Variants in CDH13 observed in about 807,000 individuals in gnomAD.
CDH13 encodes the protein cadherin 13, also known as cadherin-13.
In CDH13, 24 loss-of-function variants were observed where a neutral mutation model predicts 63.8. The ratio of observed to expected loss-of-function variants is 0.38; its 90% CI spans 0.27 to 0.53. The LOEUF (loss-of-function observed/expected upper bound fraction) is 0.53, where lower values mean the gene tolerates loss of function less well. CDH13 is among the 20% of genes least tolerant of loss of function. The pLI is 0.85. For synonymous variants in CDH13, 503 were observed against 355.3 expected, an observed-to-expected ratio of 1.42 and a Z score of -4.67; for missense variants, 1,049 against 903.1, an observed-to-expected ratio of 1.16 and a Z score of -2.07.
intron 3 of CDH13, among the ~76,000 whole-genome samples, chr16:83,061,027 T>C (rs778983501): frequency 2.0e-4 from 31 of 152,172 alleles, no homozygotes; most frequent in Middle Eastern, 3.2e-3. Context: ...TTAATACAAG[T>C]TCCTTGGCAC....
At chr16:83,323,615 C>A (rs1208097782) in intron 5 of CDH13, among the ~76,000 whole-genome samples, 3 of 151,992 alleles carry the variant, frequency 2.0e-5, no homozygotes, top group Non-Finnish European at 4.4e-5. Context: ...TGGAAAAAAA[C>A]AAAAACAAAA....
intron 6 of CDH13, among the ~76,000 whole-genome samples, chr16:83,412,933 G>A (rs934505784): frequency 7.9e-5 from 12 of 152,282 alleles, no homozygotes; most frequent in African/African-American, 2.2e-4. Flanking sequence ...TAACTGTGTT[G>A]TATTACCATT....
intron 3 of CDH13, among the ~76,000 whole-genome samples, chr16:83,123,552 T>C (rs563249668): frequency 1.3e-5 from 2 of 152,336 alleles, no homozygotes; most frequent in East Asian, 3.9e-4. Context: ...GGGCTGGGAT[T>C]ACAGGCGTGA....
intron 5 of CDH13, among the ~76,000 whole-genome samples, chr16:83,305,978 C>G (rs2089866393): frequency 6.6e-6 from 1 of 152,182 alleles, no homozygotes; most frequent in Non-Finnish European, 1.5e-5. Flanking sequence ...TTCTCAATCT[C>G]ATTCTTGGCA....
chr16:83,736,831 T>A (rs1011347368), intron 10 of CDH13, among the ~76,000 whole-genome samples: 1 of 152,170 alleles, frequency 6.6e-6, no homozygotes, highest in Non-Finnish European at 1.5e-5. Flanking sequence ...TAACAAAGAA[T>A]TAATGGCCTC....
At chr16:83,144,242 T>C (rs901475088) in intron 4 of CDH13, among the ~76,000 whole-genome samples, 2 of 152,290 alleles carry the variant, frequency 1.3e-5, no homozygotes, top group South Asian at 2.1e-4. Context: ...CTTGTACTTA[T>C]TTGGATAGTC....
chr16:83,367,772 C>T (rs2091284874), intron 6 of CDH13, among the ~76,000 whole-genome samples: 1 of 152,042 alleles, frequency 6.6e-6, no homozygotes, highest in Admixed American at 6.6e-5. Context: ...TTTGTATTTC[C>T]ATATAAATTT....
chr16:83,631,825 G>A (rs1440250416), intron 8 of CDH13, among the ~76,000 whole-genome samples: 1 of 152,160 alleles, frequency 6.6e-6, no homozygotes, highest in Non-Finnish European at 1.5e-5. Context: ...AGGTTGTTGT[G>A]GGATAAGGGG....
Position 82,702,807 on chromosome 16 carries a change from G to T in CDH13, c.45+75670G>T, listed in dbSNP as rs138944460. ...CTGCCTGGAACCCTGTGGCCCCCAGGGTTCAGCTCCCTGGTGCCTCATCAG... is the reference window on the plus strand; with the variant it reads ...CTGCCTGGAACCCTGTGGCCCCCAGTGTTCAGCTCCCTGGTGCCTCATCAG... On this transcript the variant is annotated intron_variant, in intron 1 of 13. Transcript: ENST00000567109. Among the ~76,000 whole-genome samples the T allele has an allele frequency of 7.9e-4, 120 of 152,162 alleles. 1 individual carries two copies. The highest frequency in any genetic ancestry group is 2.7e-3 in the African/African-American group (112 of 41,510).
At chr16:83,234,403 C>G (rs1350043220) in intron 5 of CDH13, among the ~76,000 whole-genome samples, 1 of 152,172 alleles carries the variant, frequency 6.6e-6, no homozygotes, top group Non-Finnish European at 1.5e-5. Context: ...CCACCTGCCC[C>G]AAGGCCCTTT....
At chr16:82,771,847 C>G (rs1308069406) in intron 1 of CDH13, among the ~76,000 whole-genome samples, 1 of 152,210 alleles carries the variant, frequency 6.6e-6, no homozygotes, top group African/African-American at 2.4e-5. Context: ...ATAACTTTGG[C>G]CTCATCTTCC....
Position 82,860,391 on chromosome 16 carries a change from G to GT in CDH13, c.157+1918_157+1919insT, listed in dbSNP as rs1480729083. Among the ~76,000 whole-genome samples the GT allele has an allele frequency of 5.8e-5, 5 of 85,896 alleles. No homozygotes were observed. The East Asian group carries it at 1.5e-3, about 26-fold the overall frequency. 56.4% of individuals were successfully genotyped at this position (85,896 alleles called of 152,430 possible). A position where few individuals can be genotyped will look rare whatever the true frequency, so the allele number is the denominator to read the frequency against. On this transcript the variant is annotated intron_variant, in intron 2 of 13. Transcript: ENST00000567109. ...ATCACAGTTGTGTGTGTGTGTGTGG[G>GT]GGGGGGGGCGGCGGTGTGCGTGTGT... is the stretch of plus-strand genomic sequence containing the variant.
intron 1 of CDH13, among the ~76,000 whole-genome samples, chr16:82,694,865 C>T (rs995483205): frequency 1.3e-5 from 2 of 152,012 alleles, no homozygotes; most frequent in Non-Finnish European, 2.9e-5. Context: ...AGGAGGAGTG[C>T]CTATAAAGGA....
intron 7 of CDH13, among the ~76,000 whole-genome samples, chr16:83,599,628 A>G (rs1907592238): frequency 6.6e-6 from 1 of 152,216 alleles, no homozygotes; most frequent in African/African-American, 2.4e-5. Context: ...AAAAGGCCTA[A>G]TAATAGAAGA....
intron 7 of CDH13, among the ~76,000 whole-genome samples, chr16:83,566,152 A>G (rs1253717431): frequency 6.6e-6 from 1 of 152,096 alleles, no homozygotes; most frequent in African/African-American, 2.4e-5. Context: ...ACAGTACCAC[A>G]GTCCTCTTCC....
At chr16:83,057,258 C>G (rs1213300876) in intron 3 of CDH13, among the ~76,000 whole-genome samples, 2 of 152,154 alleles carry the variant, frequency 1.3e-5, no homozygotes, top group Non-Finnish European at 2.9e-5. Context: ...AGCCACTGCA[C>G]CCCAGTCTCA....
intron 6 of CDH13, among the ~76,000 whole-genome samples, chr16:83,371,948 A>T (rs2091374925): frequency 6.6e-6 from 1 of 152,212 alleles, no homozygotes; most frequent in Non-Finnish European, 1.5e-5. Flanking sequence ...CATCCCCCGG[A>T]CCGTATATAC....
chr16:83,160,771 T>TG (rs1428384474), intron 4 of CDH13, among the ~76,000 whole-genome samples: 1 of 152,220 alleles, frequency 6.6e-6, no homozygotes, highest in Admixed American at 6.5e-5. Context: ...CTCGGAAACC[T>TG]CCTGCCTGCA....
intron 10 of CDH13, among the ~76,000 whole-genome samples, chr16:83,728,240 T>A (rs1910644595): frequency 6.6e-6 from 1 of 151,920 alleles, no homozygotes; most frequent in African/African-American, 2.4e-5. Context: ...GGAGAGAAGG[T>A]GCCTGTTCTC....
Sources: allele counts gnomAD v4.1 joint callset (sites outside exome capture counted in the v4.1 genomes callset), GRCh38; gene constraint gnomAD v4.1.1; transcripts MANE v1.5; gene names NCBI Gene and HGNC (gene_info 2026-07-23, HGNC 2026-07-21).